RASA2: variants seen among roughly 807,000 people sequenced by gnomAD.
RASA2 encodes the protein ras GTPase-activating protein 2.
RASA2 carries 155 observed loss-of-function variants against 118.2 expected under a neutral mutation model. The ratio of observed to expected loss-of-function variants is 1.31; its 90% CI spans 1.15 to 1.50. RASA2 has a LOEUF of 1.50. Ranked by LOEUF, RASA2 falls within the 40% of genes most tolerant of loss-of-function variation. The pLI is 0.00. For missense variants in RASA2, 1,016 were observed against 1,009.6 expected (o/e 1.01, Z -0.09); for synonymous variants, 353 against 349.1 (o/e 1.01, Z -0.12).
intron 1 of RASA2, among the ~76,000 whole-genome samples, chr3:141,497,967 A>T (rs1470835390): frequency 2.0e-5 from 3 of 152,198 alleles, no homozygotes; most frequent in African/African-American, 7.2e-5. Context: ...TAAAATTTTA[A>T]TACATTGTTT....
intron 15 of RASA2, among the ~76,000 whole-genome samples, chr3:141,580,132 C>A (rs1001033394): frequency 8.0e-6 from 1 of 125,304 alleles, no homozygotes; most frequent in Admixed American, 8.4e-5. Flanking sequence ...TTTAAAAGCA[C>A]CACATCTTTA....
intron 19 of RASA2, among the ~76,000 whole-genome samples, chr3:141,602,650 C>T (rs1241680001): frequency 6.6e-6 from 1 of 152,216 alleles, no homozygotes; most frequent in Non-Finnish European, 1.5e-5. Context: ...CAGTGTATCT[C>T]TCTGTTCAGA....
rs1003154020 is a variant in RASA2 at position 141,613,221 on chromosome 3, C to T, written c.*908C>T. The T allele has an allele frequency of 1.2e-4, 18 of 152,156 alleles. No homozygotes were observed. The highest frequency in any genetic ancestry group is 3.9e-4 in the African/African-American group (16 of 41,432). 9.4% of individuals were successfully genotyped at this position (152,156 alleles called of 1,614,324 possible). A position where few individuals can be genotyped will look rare whatever the true frequency, so the allele number is the denominator to read the frequency against. ...CATAGTGTTCGGTTCTGATCTTCCT[C>T]GAGAACAGTCACTTGGCGCACTTTA... On this transcript the variant is annotated 3_prime_UTR_variant, in exon 24 of 24. Transcript: ENST00000286364.
intron 3 of RASA2, among the ~76,000 whole-genome samples, chr3:141,522,102 T>C (rs1240681079): frequency 6.6e-6 from 1 of 152,206 alleles, no homozygotes; most frequent in Non-Finnish European, 1.5e-5. Flanking sequence ...TATTTTTAAT[T>C]ACATGAGTAA....
rs940422901 is a variant in RASA2 at position 141,613,110 on chromosome 3, A to G, written c.*797A>G. 3 of 152,206 alleles carry G rather than the reference A, an allele frequency of 2.0e-5. No homozygotes were observed. Among genetic ancestry groups the G allele is most frequent in the Non-Finnish European group, 4.4e-5 (3 of 68,030 alleles). 9.4% of individuals were successfully genotyped at this position (152,206 alleles called of 1,614,324 possible). A position where few individuals can be genotyped will look rare whatever the true frequency, so the allele number is the denominator to read the frequency against. On this transcript the variant is annotated 3_prime_UTR_variant, in exon 24 of 24. Transcript: ENST00000286364. The stretch of plus-strand genomic sequence containing the variant: ...AGGACATCTCTTCAAAAAGAAAGTA[A>G]ACAGGGAATGAAGGTGGTGGGAAAA...
chr3:141,499,795 C>T (rs1442044422), intron 1 of RASA2, among the ~76,000 whole-genome samples: 8 of 152,172 alleles, frequency 5.3e-5, no homozygotes, highest in East Asian at 3.8e-4. Flanking sequence ...GGCGGCATTT[C>T]GCCATGTTAG....
At chr3:141,538,073 G>C (rs1286084769) in intron 4 of RASA2, among the ~76,000 whole-genome samples, 3 of 148,792 alleles carry the variant, frequency 2.0e-5, no homozygotes, top group African/African-American at 7.5e-5. Context: ...AGTTTGCTGG[G>C]CTCATAACTG....
intron 5 of RASA2, among the ~76,000 whole-genome samples, chr3:141,541,235 C>T (rs1318152759): frequency 6.6e-6 from 1 of 152,136 alleles, no homozygotes; most frequent in East Asian, 1.9e-4. Context: ...CAAAGTACAG[C>T]AGTTTCACAG....
chr3:141,572,786 T>A lies in RASA2; in HGVS notation c.1284+63T>A, dbSNP rs41265465. The A allele has an allele frequency of 6.0e-3, 7,290 of 1,206,288 alleles. 32 individuals carry two copies. The highest frequency in any genetic ancestry group is 7.8e-3 in the Non-Finnish European group (6,592 of 847,684). 74.7% of individuals were successfully genotyped at this position (1,206,288 alleles called of 1,614,324 possible). ...TTATGATAGTTGTTCTTTTATCAAG[T>A]GATCTATTGATGGGAAGGATTTATT... is the stretch of plus-strand genomic sequence containing the variant. On this transcript the variant is annotated intron_variant, in intron 12 of 23. Coordinates refer to ENST00000286364, the MANE Select transcript of RASA2 (RefSeq NM_006506.5).
In RASA2 at chr3:141,558,946, G is replaced by T. The variant is rs2082689016; in HGVS notation, c.745G>T (p.Glu249Ter). 6.2e-7 allele frequency: 1 copy of T among 1,604,186 alleles called. No individual in the cohort carries two copies. Residue 249 changes from glutamate (E) to a stop codon, truncating the protein, a stop_gained, in exon 8 of 24, where the codon GAA (glutamate) becomes TAA (stop). Coordinates refer to ENST00000286364, the MANE Select transcript of RASA2 (RefSeq NM_006506.5). LOFTEE classifies it high-confidence loss of function. ...SQFQVEEEDI[E>*]KLEIRIDLWN... Reference sequence around the variant, plus strand: ...GTTCCAGGTAGAAGAGGAGGACATTGAAAAGCTAGAAATCAGGTATGTGCC... The same window carrying T: ...GTTCCAGGTAGAAGAGGAGGACATTTAAAAGCTAGAAATCAGGTATGTGCC...
At chr3:141,584,330 CAAAAAAAAAAAAAA>C (rs56396460) in intron 17 of RASA2, among the ~76,000 whole-genome samples, 6 of 60,668 alleles carry the variant, frequency 9.9e-5, no homozygotes, top group African/African-American at 2.3e-4. Context: ...AACTCCATCC[CAAAAAAAAAAAAAA>C]AAAAAAAAAA....
chr3:141,533,007 A>G (rs1293998674), intron 4 of RASA2, among the ~76,000 whole-genome samples: 1 of 152,166 alleles, frequency 6.6e-6, no homozygotes, highest in Non-Finnish European at 1.5e-5. Context: ...AAAAAACACC[A>G]TTTTGAGATG....
chr3:141,583,351 G>A (rs1397787019), intron 17 of RASA2, among the ~76,000 whole-genome samples: 5 of 152,120 alleles, frequency 3.3e-5, no homozygotes, highest in African/African-American at 1.2e-4. Flanking sequence ...CTTGAACCCA[G>A]GAGGTAGAGG....
At chr3:141,567,274 GGT>G (rs1474938935) in intron 9 of RASA2, among the ~76,000 whole-genome samples, 3 of 151,948 alleles carry the variant, frequency 2.0e-5, no homozygotes, top group Non-Finnish European at 4.4e-5. Flanking sequence ...AAATTAGCCC[GGT>G]GTGGTGGCCC....
intron 1 of RASA2, among the ~76,000 whole-genome samples, chr3:141,492,556 C>A (rs1211290496): frequency 6.6e-6 from 1 of 152,200 alleles, no homozygotes; most frequent in Non-Finnish European, 1.5e-5. Context: ...ATGACAATGA[C>A]TTTGGGCAAA....
chr3:141,609,837 T>C (rs1232620386), intron 22 of RASA2, 40 bp from the exon 23 acceptor site: 3 of 1,478,010 alleles, frequency 2.0e-6, no homozygotes, highest in Non-Finnish European at 2.7e-6. Flanking sequence ...TTATAGAATT[T>C]AGTTGTCTGA....
At chr3:141,544,114 G>T (rs1175656792) in intron 5 of RASA2, among the ~76,000 whole-genome samples, 1 of 151,998 alleles carries the variant, frequency 6.6e-6, no homozygotes, top group Non-Finnish European at 1.5e-5. Flanking sequence ...GGCCTGAAGT[G>T]ATCCTTCTGC....
rs369086504 is a variant in RASA2 at position 141,559,098 on chromosome 3, A to G, written c.761+136A>G. The stretch of plus-strand genomic sequence containing the variant: ...TTGATGAAACTTAGAGGAATATGCA[A>G]CTAATTTAAATCCAGATTATCTTTC... On this transcript the variant is annotated intron_variant, in intron 8 of 23. Transcript: ENST00000286364. 92 of 595,392 alleles carry G rather than the reference A, an allele frequency of 1.5e-4. 1 individual carries two copies. The East Asian group carries it at 2.4e-3, about 16-fold the overall frequency. The allele number at this position is 595,392 out of a possible 1,614,324, so 36.9% of individuals were successfully genotyped here.
At chr3:141,535,971 T>C (rs2082320221) in intron 4 of RASA2, among the ~76,000 whole-genome samples, 1 of 152,356 alleles carries the variant, frequency 6.6e-6, no homozygotes, top group African/African-American at 2.4e-5. Flanking sequence ...TTACACAGTA[T>C]CTTCTATATG....
Sources: allele counts gnomAD v4.1 joint callset (sites outside exome capture counted in the v4.1 genomes callset), GRCh38; gene constraint gnomAD v4.1.1; transcripts MANE v1.5; gene names NCBI Gene and HGNC (gene_info 2026-07-23, HGNC 2026-07-21).